Variants in ZNF536 observed in about 807,000 individuals in gnomAD.
The protein encoded by ZNF536 is zinc finger protein 536.
A neutral mutation model predicts 84.5 loss-of-function variants in ZNF536; 13 were observed. That is an observed-to-expected ratio of 0.15 (90% CI 0.10 to 0.24). ZNF536 has a LOEUF of 0.24. Ranked by LOEUF, ZNF536 falls within the 10% of genes least tolerant of loss-of-function variation. The pLI, the probability that ZNF536 is intolerant of heterozygous loss-of-function variation, is 1.00. For synonymous variants in ZNF536, 811 were observed against 742.5 expected (o/e 1.09, Z -1.50); for missense variants, 1,536 against 1,747.5 (o/e 0.88, Z 2.16).
Position 30,444,340 on chromosome 19 carries a change from C to G in ZNF536, c.778C>G (p.Pro260Ala), listed in dbSNP as rs1246755420. ...DVAHPVPSPK[P>A]ASVQEDAVAP... ...GGCCCACCCGGTGCCCTCGCCCAAG[C>G]CTGCCAGCGTGCAGGAGGACGCGGT... The change falls in exon 2 of 5, where the codon CCT becomes GCT. Residue 260 changes from proline (P) to alanine (A), a missense_variant. Transcript: ENST00000355537. The G allele has an allele frequency of 3.1e-6, 5 of 1,596,018 alleles. No homozygotes were observed. Among genetic ancestry groups the G allele is most frequent in the African/African-American group, 1.3e-5 (1 of 74,800 alleles).
chr19:30,457,164 C>T (rs886717398), intron 2 of ZNF536, among the ~76,000 whole-genome samples: 3 of 152,236 alleles, frequency 2.0e-5, no homozygotes, highest in African/African-American at 7.2e-5. Flanking sequence ...AGGGTTTACC[C>T]TGGGGCCTGT....
intron 1 of ZNF536, among the ~76,000 whole-genome samples, chr19:30,651,792 TA>T (rs2049718711): frequency 2.0e-5 from 3 of 151,892 alleles, no homozygotes; most frequent in Admixed American, 2.0e-4. Context: ...GCAGTGACCT[TA>T]AGGCCACAGA....
In ZNF536 at chr19:30,573,469, T is replaced by G. The variant is rs114970375; in HGVS notation, c.169+23955T>G. Among the ~76,000 whole-genome samples the G allele has an allele frequency of 2.9e-3, 439 of 152,244 alleles. 1 individual carries two copies. Among genetic ancestry groups the G allele is most frequent in the African/African-American group, 0.01 (418 of 41,522 alleles). ...AGGACTACTGGGCCTAGGGGAGGCA[T>G]CATAACTCATTCTTTGCACATTCCC... On this transcript the variant is annotated intron_variant, in intron 1 of 1. Coordinates refer to the ZNF536 transcript ENST00000592773.
intron 2 of ZNF536, among the ~76,000 whole-genome samples, chr19:30,510,788 G>T (rs2055378891): frequency 6.6e-6 from 1 of 152,152 alleles, no homozygotes; most frequent in African/African-American, 2.4e-5. Context: ...CATCGCCTTG[G>T]ACTGGGAGAC....
chr19:30,394,259 G>T (rs1386635497), intron 1 of ZNF536, among the ~76,000 whole-genome samples: 1 of 152,092 alleles, frequency 6.6e-6, no homozygotes, highest in Non-Finnish European at 1.5e-5. Flanking sequence ...ATTTTCTGAA[G>T]CCAGTCCAAC....
In ZNF536 at chr19:30,445,199, G is replaced by T. The variant is rs2052263161; in HGVS notation, c.1637G>T (p.Arg546Leu). Residue 546 changes from arginine (R) to leucine (L), a missense_variant, in exon 2 of 5, where the codon CGC (arginine) becomes CTC (leucine). Transcript: ENST00000355537. The surrounding 1 kb of genome is among the most constrained non-coding windows in gnomAD (Gnocchi z 4.5). Reference protein sequence around the residue: ...GFLSKEHPLQRNHEDTLANAG... With the variant: ...GFLSKEHPLQLNHEDTLANAG... ...TTGTCTAAAGAGCATCCGCTGCAGC[G>T]CAACCACGAAGACACTTTGGCAAAC... 1 of 1,614,176 alleles carries T rather than the reference G, an allele frequency of 6.2e-7. No homozygotes were observed. Among genetic ancestry groups the T allele is most frequent in the Non-Finnish European group, 8.5e-7 (1 of 1,180,038 alleles).
intron 2 of ZNF536, among the ~76,000 whole-genome samples, chr19:30,329,781 T>G (rs1406483508): frequency 1.3e-5 from 2 of 152,184 alleles, no homozygotes; most frequent in African/African-American, 4.8e-5. Context: ...GGAGATTTAT[T>G]ACTCTGACAG....
At chr19:30,227,155 G>C (rs1315856481), upstream of ZNF536, among the ~76,000 whole-genome samples, 1 of 151,622 alleles carries the variant, frequency 6.6e-6, no homozygotes, top group East Asian at 1.9e-4. Flanking sequence ...GGGGAAGTTA[G>C]GGAAAAAGAA....
At chr19:30,562,448 CTG>C (rs1483457892), downstream of ZNF536, among the ~76,000 whole-genome samples, 3 of 152,062 alleles carry the variant, frequency 2.0e-5, no homozygotes, top group Non-Finnish European at 1.5e-5. Flanking sequence ...TTGTGGAAGT[CTG>C]TTAAAATAGC....
chr19:30,508,986 CA>C (rs1475644526), intron 2 of ZNF536, among the ~76,000 whole-genome samples: 4 of 151,186 alleles, frequency 2.6e-5, no homozygotes, highest in African/African-American at 9.7e-5. Context: ...TGCCAGGCAA[CA>C]CAGGTGACTA....
At chr19:30,310,169 G>A (rs1302426731) in intron 2 of ZNF536, among the ~76,000 whole-genome samples, 1 of 152,154 alleles carries the variant, frequency 6.6e-6, no homozygotes, top group Non-Finnish European at 1.5e-5. Flanking sequence ...TATTTTTGGA[G>A]CAAAGACTGT....
At chr19:30,336,749 G>A (rs2146480339) in intron 2 of ZNF536, among the ~76,000 whole-genome samples, 1 of 152,260 alleles carries the variant, frequency 6.6e-6, no homozygotes, top group African/African-American at 2.4e-5. Flanking sequence ...GAATGCATAG[G>A]CCCAGGCTGC....
intron 1 of ZNF536, among the ~76,000 whole-genome samples, chr19:30,617,709 C>T (rs1479449500): frequency 1.3e-5 from 2 of 152,022 alleles, no homozygotes; most frequent in African/African-American, 2.4e-5. Flanking sequence ...AACCCCTATG[C>T]CACACAATTT....
At chr19:30,470,084 G>A (rs1301991435) in intron 2 of ZNF536, among the ~76,000 whole-genome samples, 4 of 152,234 alleles carry the variant, frequency 2.6e-5, no homozygotes, top group East Asian at 1.9e-4. Flanking sequence ...CCTCCCAGGT[G>A]AGTCCTGAGG....
At chr19:30,441,171 A>C (rs1370803538) in intron 1 of ZNF536, among the ~76,000 whole-genome samples, 1 of 152,198 alleles carries the variant, frequency 6.6e-6, no homozygotes, top group South Asian at 2.1e-4. Context: ...CAACCTGAAA[A>C]TAGCCCGTCT....
intron 1 of ZNF536, among the ~76,000 whole-genome samples, chr19:30,606,281 TA>T (rs1359890606): frequency 0.011 from 551 of 50,216 alleles, 3 homozygotes; most frequent in African/African-American, 0.034. Context: ...TAAAATAAAA[TA>T]AAATAAAATA....
intron 1 of ZNF536, among the ~76,000 whole-genome samples, chr19:30,393,587 G>A (rs975064041): frequency 1.6e-4 from 25 of 152,168 alleles, no homozygotes; most frequent in African/African-American, 6.0e-4. Flanking sequence ...CTGGTCCTAG[G>A]CTAGGGGCAG....
intron 1 of ZNF536, among the ~76,000 whole-genome samples, chr19:30,407,305 G>T (rs2050300474): frequency 1.3e-5 from 2 of 152,136 alleles, no homozygotes; most frequent in Non-Finnish European, 2.9e-5. Flanking sequence ...AAATCAGCTT[G>T]CTGTTTCGAG....
exon 2 of ZNF536, chr19:30,712,187 A>T (rs555517916): frequency 5.6e-4 from 86 of 152,302 alleles, no homozygotes; most frequent in African/African-American, 2.0e-3. Flanking sequence ...TGGATACTCC[A>T]AATTTATCAA....
Sources: allele counts gnomAD v4.1 joint callset (sites outside exome capture counted in the v4.1 genomes callset), GRCh38; gene constraint gnomAD v4.1.1; non-coding constraint Gnocchi (gnomAD v3.1); transcripts MANE v1.5; gene names NCBI Gene and HGNC (gene_info 2026-07-23, HGNC 2026-07-21).